The following PREX2 variants were observed in gnomAD, a reference collection of about 807,000 sequenced individuals.
PREX2 encodes the protein phosphatidylinositol 3,4,5-trisphosphate-dependent Rac exchanger 2 protein.
A neutral mutation model predicts 203.2 loss-of-function variants in PREX2; 107 were observed. The ratio of observed to expected loss-of-function variants is 0.53; its 90% CI spans 0.45 to 0.62. The LOEUF (loss-of-function observed/expected upper bound fraction) is 0.62, where lower values mean the gene tolerates loss of function less well. PREX2 is among the 20% of genes least tolerant of loss of function. The pLI is 0.00. For synonymous variants in PREX2, 672 were observed against 663.6 expected (o/e 1.01, Z -0.19); for missense variants, 1,777 against 1,955.9 (o/e 0.91, Z 1.72).
intron 35 of PREX2, among the ~76,000 whole-genome samples, chr8:68,157,939 C>A (rs2380447): frequency 0.28 from 41,662 of 151,084 alleles, 5,770 homozygotes; most frequent in Non-Finnish European, 0.3. Flanking sequence ...TTTTTCCCCC[C>A]AAAAAATAGT....
chr8:67,994,106 T>C (rs1360718109), intron 1 of PREX2, among the ~76,000 whole-genome samples: 2 of 152,382 alleles, frequency 1.3e-5, no homozygotes, highest in African/African-American at 2.4e-5. Context: ...AAAATGATTG[T>C]TACCTGTCTA....
intron 1 of PREX2, among the ~76,000 whole-genome samples, chr8:67,983,844 C>G (rs943023909): frequency 6.6e-6 from 1 of 152,212 alleles, no homozygotes; most frequent in Non-Finnish European, 1.5e-5. Context: ...TTCTTAATCT[C>G]TGTCTCCTTC....
At chr8:68,123,783 C>CA (rs112444020) in intron 30 of PREX2, among the ~76,000 whole-genome samples, 103 of 143,520 alleles carry the variant, frequency 7.2e-4, no homozygotes, top group African/African-American at 1.7e-3. Flanking sequence ...GCCTGCCAAC[C>CA]AAAAAAAAAA....
intron 18 of PREX2, 144 bp from the exon 19 acceptor site, chr8:68,087,580 T>C (rs1809731467): frequency 7.4e-6 from 5 of 679,762 alleles, no homozygotes; most frequent in South Asian, 6.7e-5. Flanking sequence ...ACCATGTTCG[T>C]CTCCAAGGAT....
chr8:68,224,435 C>T (rs1813016507), intron 38 of PREX2, 124 bp from the exon 39 acceptor site: 4 of 730,280 alleles, frequency 5.5e-6, no homozygotes, highest in Non-Finnish European at 9.4e-6. Context: ...CTGTCTTTCT[C>T]TTAGCTAATC....
chr8:68,095,834 G>A (rs1810053880), intron 21 of PREX2, among the ~76,000 whole-genome samples: 1 of 151,920 alleles, frequency 6.6e-6, no homozygotes, highest in South Asian at 2.1e-4. Context: ...ATAGAGACAA[G>A]GTCTTGCCAT....
At chr8:68,177,875 T>C (rs1446473953) in intron 35 of PREX2, among the ~76,000 whole-genome samples, 2 of 152,128 alleles carry the variant, frequency 1.3e-5, no homozygotes, top group Admixed American at 6.5e-5. Flanking sequence ...CACTTACAAG[T>C]GAGAACATGC....
At chr8:67,959,278 C>G (rs561105159) in intron 1 of PREX2, among the ~76,000 whole-genome samples, 82 of 152,064 alleles carry the variant, frequency 5.4e-4, no homozygotes, top group Non-Finnish European at 1.1e-3. Context: ...CTGAAGAGGT[C>G]GCTGGATCTG....
chr8:68,211,856 T>G (rs751143874), intron 37 of PREX2, among the ~76,000 whole-genome samples: 1 of 152,138 alleles, frequency 6.6e-6, no homozygotes, highest in Admixed American at 6.5e-5. Context: ...TGGGAGAGGA[T>G]GAAGAGTTTG....
Position 68,118,615 on chromosome 8 carries a change from C to G in PREX2, c.3392C>G (p.Ser1131Trp), listed in dbSNP as rs150128151. The G allele has an allele frequency of 1.9e-6, 3 of 1,613,960 alleles. No individual in the cohort carries two copies. The highest frequency in any genetic ancestry group is 2.5e-6 in the Non-Finnish European group (3 of 1,179,858). Residue 1131 changes from serine to tryptophan, a missense_variant, in exon 27 of 40, where the codon TCG becomes TGG. Ser to Trp is a radical substitution (Grantham distance 177, BLOSUM62 -3). Transcript: ENST00000288368. The part of the protein sequence containing the change: ...FTSICSSQCS[S>W]YFHSDEMDSG... ...AGCATCTGCAGCAGCCAGTGCAGCT[C>G]GTATTTCCACAGTGATGAAATGGAC...
Position 68,017,926 on chromosome 8 carries a change from G to A in PREX2, c.213+9G>A, listed in dbSNP as rs767257051. 4.4e-6 allele frequency: 7 copies of A among 1,606,698 alleles called. No homozygotes were observed. Among genetic ancestry groups the A allele is most frequent in the Non-Finnish European group, 6.0e-6 (7 of 1,175,118 alleles). On this transcript the variant is annotated intron_variant, in intron 2 of 39. Transcript: ENST00000288368. Reference sequence around the variant, plus strand: ...CAGAAGAAACAGTGAAGGTGAGGAGGTACAACTGGCCTTCAACCTGAGCAT... The same window carrying A: ...CAGAAGAAACAGTGAAGGTGAGGAGATACAACTGGCCTTCAACCTGAGCAT...
intron 15 of PREX2, among the ~76,000 whole-genome samples, chr8:68,077,934 A>G (rs1809398099): frequency 1.3e-5 from 2 of 152,184 alleles, no homozygotes; most frequent in Admixed American, 6.5e-5. Context: ...ATAGATCTCT[A>G]GAAAAAAATT....
chr8:68,150,523 AAATTTGTGC>A (rs1234020061), intron 34 of PREX2, among the ~76,000 whole-genome samples: 1 of 152,040 alleles, frequency 6.6e-6, no homozygotes, highest in East Asian at 1.9e-4. Context: ...ATTTATCATC[AAATTTGTGC>A]AAGGAAGTAC....
At chr8:68,004,770 T>G (rs1413319313) in intron 1 of PREX2, among the ~76,000 whole-genome samples, 2 of 152,234 alleles carry the variant, frequency 1.3e-5, no homozygotes, top group Admixed American at 6.5e-5. Context: ...TTGTGTCACA[T>G]TGGAATAAAA....
intron 34 of PREX2, among the ~76,000 whole-genome samples, chr8:68,149,252 C>G (rs1033380036): frequency 1.1e-4 from 17 of 152,156 alleles, no homozygotes; most frequent in African/African-American, 4.1e-4. Context: ...GTTGATGGGG[C>G]ATCCTTCAGA....
intron 1 of PREX2, among the ~76,000 whole-genome samples, chr8:68,014,608 C>T (rs1186218270): frequency 1.3e-5 from 2 of 152,174 alleles, no homozygotes; most frequent in African/African-American, 2.4e-5. Flanking sequence ...GGCACGTCCT[C>T]TGCGGGGTGC....
rs377582732 is a variant in PREX2 at position 67,955,560 on chromosome 8, C to G, written c.141+3025C>G. ...AGGTGCTCCTTGCTTTGTATCCACT[C>G]TACCCTGCATTTCCTTCTTCCATAG... On this transcript the variant is annotated intron_variant, in intron 1 of 39. Transcript: ENST00000288368. Among the ~76,000 whole-genome samples the G allele has an allele frequency of 3.9e-5, 6 of 152,328 alleles. 1 individual carries two copies. The highest frequency in any genetic ancestry group is 1.4e-4 in the African/African-American group (6 of 41,570).
At chr8:67,963,755 C>T (rs1445721687) in intron 1 of PREX2, among the ~76,000 whole-genome samples, 9 of 152,028 alleles carry the variant, frequency 5.9e-5, no homozygotes, top group Admixed American at 5.9e-4. Context: ...TGTTCAGCTG[C>T]CTTAACTGAG....
At chr8:68,076,909 G>T (rs367740237) in intron 14 of PREX2, among the ~76,000 whole-genome samples, 4 of 151,912 alleles carry the variant, frequency 2.6e-5, no homozygotes, top group Admixed American at 1.3e-4. Flanking sequence ...CGATTTACTT[G>T]TAAGGTCTTA....
Sources: allele counts gnomAD v4.1 joint callset (sites outside exome capture counted in the v4.1 genomes callset), GRCh38; gene constraint gnomAD v4.1.1; transcripts MANE v1.5; gene names NCBI Gene and HGNC (gene_info 2026-07-23, HGNC 2026-07-21).